The following ATOH8 variants were observed in gnomAD, a reference collection of about 807,000 sequenced individuals.
The protein encoded by ATOH8 is transcription factor ATOH8.
Under a neutral mutation model 21.2 loss-of-function variants are expected in ATOH8, and 9 were observed. That is an observed-to-expected ratio of 0.42 (90% CI 0.26 to 0.74). The LOEUF (loss-of-function observed/expected upper bound fraction) is 0.74, where lower values mean the gene tolerates loss of function less well. Among genes scored for constraint, ATOH8 ranks in the 30% least tolerant of loss-of-function variants. The pLI is 0.24. For synonymous variants in ATOH8, 253 were observed against 224.0 expected, an observed-to-expected ratio of 1.13 and a Z score of -1.16; for missense variants, 524 against 470.9, an observed-to-expected ratio of 1.11 and a Z score of -1.04.
chr2:85,783,396 G>A (rs779658997), intron 2 of ATOH8, among the ~76,000 whole-genome samples: 44 of 152,032 alleles, frequency 2.9e-4, no homozygotes, highest in Non-Finnish European at 4.9e-4. Context: ...GTGAAACCCC[G>A]TCTCTACTAA....
rs1461505870 is a variant in ATOH8, at chr2:85,788,476, C to T, written c.*1586C>T. On this transcript the variant is annotated 3_prime_UTR_variant, in exon 3 of 3. Transcript: ENST00000306279. The stretch of plus-strand genomic sequence containing the variant: ...CAAATCCTGTGCTCTCAAACCTTTT[C>T]CAGCCCCATCACCAGTCCCAGCCCA... Among the ~76,000 whole-genome samples, 1 of 152,192 alleles carries T rather than the reference C, an allele frequency of 6.6e-6. No individual in the cohort carries two copies. Among genetic ancestry groups the T allele is most frequent in the East Asian group, 1.9e-4 (1 of 5,194 alleles).
chr2:85,756,693 A>G (rs1381331061), intron 1 of ATOH8, among the ~76,000 whole-genome samples: 1 of 152,200 alleles, frequency 6.6e-6, no homozygotes, highest in Admixed American at 6.5e-5. Flanking sequence ...ATTTTATAGT[A>G]TGGAACACTG....
In ATOH8 at chr2:85,787,498, G is replaced by A; in HGVS notation, c.*608G>A. 6.5e-6 allele frequency: 1 copy of A among 153,196 alleles called. No individual in the cohort carries two copies. Among genetic ancestry groups the A allele is most frequent in the Non-Finnish European group, 1.5e-5 (1 of 68,392 alleles). 9.5% of individuals were successfully genotyped at this position (153,196 alleles called of 1,614,324 possible). A position where few individuals can be genotyped will look rare whatever the true frequency, so the allele number is the denominator to read the frequency against. Reference sequence around the variant, plus strand: ...GCTGGGAGTGGGACCTGAGATCCCTGCCCACTCTCTCCCCTTCATTGGCTG... The same window carrying A: ...GCTGGGAGTGGGACCTGAGATCCCTACCCACTCTCTCCCCTTCATTGGCTG... On this transcript the variant is annotated 3_prime_UTR_variant, in exon 3 of 3. Transcript: ENST00000306279.
chr2:85,754,977 C>T lies in ATOH8; in HGVS notation c.768+20C>T, dbSNP rs774386379. On this transcript the variant is annotated intron_variant, in intron 1 of 2. Transcript: ENST00000306279. Reference sequence around the variant, plus strand: ...AAGCAGGTACCCGCTCGCCGCCGCACGCCCTCACTGCGCCGGGGGACGACT... The same window carrying T: ...AAGCAGGTACCCGCTCGCCGCCGCATGCCCTCACTGCGCCGGGGGACGACT... The T allele has an allele frequency of 2.5e-6, 4 of 1,573,640 alleles. No homozygotes were observed. Among genetic ancestry groups the T allele is most frequent in the South Asian group, 2.3e-5 (2 of 88,026 alleles).
rs527304487 is a variant in ATOH8, at chr2:85,786,762, C to T, written c.961-123C>T. The T allele has an allele frequency of 8.4e-6, 11 of 1,303,952 alleles. No individual in the cohort carries two copies. The Admixed American group carries it at 8.8e-5, about 10-fold the overall frequency. The allele number at this position is 1,303,952 out of a possible 1,614,324, so 80.8% of individuals were successfully genotyped here. On this transcript the variant is annotated intron_variant, in intron 2 of 2. Coordinates refer to ENST00000306279, the MANE Select transcript of ATOH8 (RefSeq NM_032827.7). ...TTTGAATCCTGGCTCTTCCACTTAT[C>T]GAACCCTTCAAGGTGGGGGCCCCTC...
intron 2 of ATOH8, chr2:85,772,508 G>A (rs932770254): frequency 5.8e-6 from 2 of 346,578 alleles, no homozygotes; most frequent in Non-Finnish European, 1.1e-5. Context: ...AAGCACGCGA[G>A]CTGGAAGCCC....
chr2:85,764,208 G>A (rs1420945392), intron 2 of ATOH8, 26 bp downstream of exon 2: 4 of 1,611,782 alleles, frequency 2.5e-6, no homozygotes, highest in East Asian at 2.2e-5. Flanking sequence ...GTGGGCGGTA[G>A]CTTCTGGGGA....
Position 85,754,146 on chromosome 2 carries a change from G to T in ATOH8, c.-44G>T. On this transcript the variant is annotated 5_prime_UTR_variant, in exon 1 of 3. Transcript: ENST00000306279. ...ACTCCTCGGCGCTGAGCGCGGCGGC[G>T]GCCCGGGCAGCCCCACGCCCCTGCC... 7.0e-7 allele frequency: 1 copy of T among 1,432,436 alleles called. No homozygotes were observed. The highest frequency in any genetic ancestry group is 9.1e-7 in the Non-Finnish European group (1 of 1,100,850). 88.7% of individuals were successfully genotyped at this position (1,432,436 alleles called of 1,614,324 possible).
In ATOH8 at chr2:85,764,017, G is replaced by C. The variant is rs1318658940; in HGVS notation, c.795G>C (p.Lys265Asn). ...TGCCGTGCTACTCATATGGGCAGAA[G>C]CTGTCCAAACTGGCCATCCTGAGGA... ...KQVPCYSYGQ[K>N]LSKLAILRIA... is the part of the protein sequence containing the mutation. The change falls in exon 2 of 3, where the codon AAG becomes AAC. Residue 265 changes from lysine (K) to asparagine (N), a missense_variant. By Grantham distance (94) the Lys-to-Asn change is moderately conservative. Coordinates refer to ENST00000306279, the MANE Select transcript of ATOH8 (RefSeq NM_032827.7). 1.9e-6 allele frequency: 3 copies of C among 1,614,150 alleles called. No individual in the cohort carries two copies. The highest frequency in any genetic ancestry group is 2.5e-6 in the Non-Finnish European group (3 of 1,180,020).
chr2:85,774,169 A>G, intron 2 of ATOH8: 1 of 985,512 alleles, frequency 1.0e-6, no homozygotes, highest in Non-Finnish European at 1.2e-6. Context: ...CGTGGGGCCA[A>G]AGGCAAGGAG....
At chr2:85,779,438 A>G (rs1680425058) in intron 2 of ATOH8, among the ~76,000 whole-genome samples, 1 of 152,268 alleles carries the variant, frequency 6.6e-6, no homozygotes, top group African/African-American at 2.4e-5. Context: ...AGTGGCCTGC[A>G]GCCTGAGAAG....
At chr2:85,781,448 T>A (rs1242256208) in intron 2 of ATOH8, among the ~76,000 whole-genome samples, 1 of 152,096 alleles carries the variant, frequency 6.6e-6, no homozygotes, top group Non-Finnish European at 1.5e-5. Flanking sequence ...ACGCTTGTAA[T>A]CCTAGCTACT....
chr2:85,772,584 C>T (rs898744616), intron 2 of ATOH8: 1 of 408,376 alleles, frequency 2.4e-6, no homozygotes, highest in Non-Finnish European at 4.8e-6. Context: ...CCCCAGCTCT[C>T]CCCTGGCCAT....
At chr2:85,758,993 T>A (rs756680699) in intron 1 of ATOH8, among the ~76,000 whole-genome samples, 15 of 152,160 alleles carry the variant, frequency 9.9e-5, no homozygotes, top group Non-Finnish European at 1.9e-4. Context: ...TCAGGGTCCC[T>A]CAGGGTTGAT....
intron 2 of ATOH8, among the ~76,000 whole-genome samples, chr2:85,778,480 CA>C (rs1300144170): frequency 2.0e-5 from 3 of 152,188 alleles, no homozygotes; most frequent in Non-Finnish European, 4.4e-5. Context: ...GCATGGAACG[CA>C]CACTGTTTTT....
At position 85,781,225 on chromosome 2, in the gene ATOH8, G is replaced by A. The variant is rs185194089; in HGVS notation, c.961-5660G>A. 1,865 of 298,656 alleles carry A rather than the reference G, an allele frequency of 6.2e-3. 7 individuals carry two copies. The highest frequency in any genetic ancestry group is 8.2e-3 in the Non-Finnish European group (1,647 of 199,892). 18.5% of individuals were successfully genotyped at this position (298,656 alleles called of 1,614,324 possible). A position where few individuals can be genotyped will look rare whatever the true frequency, so the allele number is the denominator to read the frequency against. On this transcript the variant is annotated intron_variant, in intron 2 of 2. Coordinates refer to ENST00000306279, the MANE Select transcript of ATOH8 (RefSeq NM_032827.7). ...GACAATAGTTAACCAAATGTTATCAGTGGTTTGCTCTCCGTGGAGAGATTA... is the reference window on the plus strand; with the variant it reads ...GACAATAGTTAACCAAATGTTATCAATGGTTTGCTCTCCGTGGAGAGATTA...
chr2:85,787,858 GC>G lies in ATOH8; in HGVS notation c.*972del. On this transcript the variant is annotated 3_prime_UTR_variant, in exon 3 of 3. Coordinates refer to ENST00000306279, the MANE Select transcript of ATOH8 (RefSeq NM_032827.7). ...GAGCCGTCCTACTGGGCAAGATGGCGCCCCACTTGGAGGGCGGTGGTCTGTT... is the reference window on the plus strand; with the variant it reads ...GAGCCGTCCTACTGGGCAAGATGGCGCCCACTTGGAGGGCGGTGGTCTGTT... 6.5e-6 allele frequency: 1 copy of G among 152,986 alleles called. No individual in the cohort carries two copies. The highest frequency in any genetic ancestry group is 1.5e-5 in the Non-Finnish European group (1 of 68,214). The allele number at this position is 152,986 out of a possible 1,614,324, so 9.5% of individuals were successfully genotyped here. A position where few individuals can be genotyped will look rare whatever the true frequency, so the allele number is the denominator to read the frequency against.
chr2:85,754,681 G>A lies in ATOH8; in HGVS notation c.492G>A (p.Ala164=), dbSNP rs1355935446. ...TGTGCGCACCGCCCGCGCGCCCCGCGCCGTCAGCACCCCCAGCACCGCCAG... is the reference window on the plus strand; with the variant it reads ...TGTGCGCACCGCCCGCGCGCCCCGCACCGTCAGCACCCCCAGCACCGCCAG... The part of the protein sequence containing the change: ...ILLCAPPARP[A]PSAPPAPPAP... The change falls in exon 1 of 3, where the codon GCG becomes GCA. Residue 164 remains alanine, a synonymous_variant. Coordinates refer to ENST00000306279, the MANE Select transcript of ATOH8 (RefSeq NM_032827.7). 1.3e-6 allele frequency: 2 copies of A among 1,572,704 alleles called. No homozygotes were observed. Among genetic ancestry groups the A allele is most frequent in the Non-Finnish European group, 8.6e-7 (1 of 1,160,448 alleles).
intron 1 of ATOH8, among the ~76,000 whole-genome samples, chr2:85,756,820 G>A (rs565674555): frequency 8.9e-4 from 135 of 152,218 alleles, no homozygotes; most frequent in Admixed American, 6.5e-4. Flanking sequence ...CTGTATCAGC[G>A]TCATGTGCCA....
Sources: gnomAD v4.1 joint callset for allele counts (sites outside exome capture counted in the v4.1 genomes callset) on GRCh38, gnomAD v4.1.1 for gene constraint, MANE v1.5 for transcripts, NCBI Gene and HGNC (gene_info 2026-07-23, HGNC 2026-07-21) for gene names.